Variants in CPNE8 observed in about 807,000 individuals in gnomAD.
CPNE8 encodes the protein copine-8.
In CPNE8, 45 loss-of-function variants were observed where a neutral mutation model predicts 81.5. That is an observed-to-expected ratio of 0.55 (90% confidence interval 0.44 to 0.71). The LOEUF is 0.71. Ranked by LOEUF, CPNE8 falls within the 30% of genes least tolerant of loss-of-function variation. The pLI, the probability that CPNE8 is intolerant of heterozygous loss-of-function variation, is 0.00. For missense variants in CPNE8, 594 were observed against 672.1 expected (o/e 0.88, Z 1.28); for synonymous variants, 252 against 226.3 (o/e 1.11, Z -1.02).
chr12:38,898,433 C>A (rs1366932627), intron 1 of CPNE8, among the ~76,000 whole-genome samples: 3 of 152,106 alleles, frequency 2.0e-5, no homozygotes, highest in Non-Finnish European at 2.9e-5. Flanking sequence ...TCAAAAAAGG[C>A]ACTACAGGGT....
upstream of CPNE8, chr12:38,905,796 C>A (rs1442208389): frequency 1.0e-6 from 1 of 985,228 alleles, no homozygotes; most frequent in Non-Finnish European, 1.2e-6. Flanking sequence ...CCCCTTCCGG[C>A]AGGCAGCAGC....
rs573232937 is a variant in CPNE8, at chr12:38,704,826, GTATATA to G, written c.915-1911_915-1906del. Among the ~76,000 whole-genome samples the G allele has an allele frequency of 1.4e-3, 71 of 50,196 alleles. 9 individuals carry two copies. Among genetic ancestry groups the G allele is most frequent in the South Asian group, 1.6e-3 (2 of 1,220 alleles). 32.9% of individuals were successfully genotyped at this position (50,196 alleles called of 152,430 possible). A position where few individuals can be genotyped will look rare whatever the true frequency, so the allele number is the denominator to read the frequency against. ...GGACCATCTGTGTGTGTATGTATGTGTATATATATATATATATATATATATATATAT... is the reference window on the plus strand; with the variant it reads ...GGACCATCTGTGTGTGTATGTATGTGTATATATATATATATATATATATAT... On this transcript the variant is annotated intron_variant, in intron 13 of 19. Transcript: ENST00000331366.
chr12:38,888,370 A>G (rs1380758370), intron 1 of CPNE8, among the ~76,000 whole-genome samples: 1 of 152,242 alleles, frequency 6.6e-6, no homozygotes, highest in East Asian at 1.9e-4. Flanking sequence ...GGCTATGACA[A>G]TGAAAACAAT....
At chr12:38,684,958 C>A (rs1226590510) in intron 16 of CPNE8, among the ~76,000 whole-genome samples, 1 of 152,056 alleles carries the variant, frequency 6.6e-6, no homozygotes, top group Non-Finnish European at 1.5e-5. Context: ...GAGTAATAAG[C>A]AATTATATTC....
Position 38,845,931 on chromosome 12 carries a change from A to G in CPNE8, c.290+2628T>C, listed in dbSNP as rs987792968. On this transcript the variant is annotated intron_variant, in intron 4 of 19. Coordinates refer to ENST00000331366, the MANE Select transcript of CPNE8 (RefSeq NM_153634.3). ...GAATTGAATTTCTGAAACTAACAAA[A>G]TACATGCAAAAGGTAAAACAATACT... Among the ~76,000 whole-genome samples the G allele has an allele frequency of 3.3e-5, 5 of 152,226 alleles. 1 individual carries two copies. Among genetic ancestry groups the G allele is most frequent in the Non-Finnish European group, 7.3e-5 (5 of 68,040 alleles).
chr12:38,854,057 T>A (rs180682554), intron 3 of CPNE8, among the ~76,000 whole-genome samples: 2 of 152,108 alleles, frequency 1.3e-5, no homozygotes, highest in East Asian at 3.9e-4. Context: ...AGCCACACTT[T>A]CCAGAGATTA....
Position 38,731,797 on chromosome 12 carries a change from A to G in CPNE8, c.723-1439T>C, listed in dbSNP as rs1011425729. Reference sequence around the variant, plus strand: ...CTTTAGTGTTACACACTACTTTTGGATTAGTACAATTCGTATGAAATCCGG... The same window carrying G: ...CTTTAGTGTTACACACTACTTTTGGGTTAGTACAATTCGTATGAAATCCGG... On this transcript the variant is annotated intron_variant, in intron 10 of 19. Coordinates refer to ENST00000331366, the MANE Select transcript of CPNE8 (RefSeq NM_153634.3). 2.6e-5 allele frequency among the ~76,000 whole-genome samples: 4 copies of G among 152,088 alleles called. No homozygotes were observed. In the South Asian group the frequency reaches 8.3e-4, roughly 32 times the overall value.
chr12:38,906,219 T>C (rs1462458225), upstream of CPNE8: 2 of 985,476 alleles, frequency 2.0e-6, no homozygotes, highest in Non-Finnish European at 2.4e-6. Flanking sequence ...TCCCAGCTTC[T>C]GGACTGCCCA....
intron 6 of CPNE8, among the ~76,000 whole-genome samples, chr12:38,777,386 A>G (rs931650367): frequency 6.6e-6 from 1 of 152,252 alleles, no homozygotes; most frequent in Admixed American, 6.5e-5. Context: ...TGTTATTATT[A>G]AAACATTTTA....
rs1434368982 is a variant in CPNE8, at chr12:38,789,333, C to CA, written c.408-13033dup. 4.6e-5 allele frequency among the ~76,000 whole-genome samples: 7 copies of CA among 151,818 alleles called. No individual in the cohort carries two copies. The East Asian group carries it at 1.4e-3, about 29-fold the overall frequency. ...GTGAACTCATTTTCAACAGAGGTGC[C>CA]AAAAACATATACTGGGGAAAAGACA... On this transcript the variant is annotated intron_variant, in intron 6 of 19. Coordinates refer to ENST00000331366, the MANE Select transcript of CPNE8 (RefSeq NM_153634.3).
In CPNE8 at chr12:38,902,091, T is replaced by C. The variant is rs143102868; in HGVS notation, c.98+3346A>G. Among the ~76,000 whole-genome samples the C allele has an allele frequency of 2.3e-4, 34 of 148,220 alleles. No homozygotes were observed. In the East Asian group the frequency reaches 6.8e-3, roughly 30 times the overall value. On this transcript the variant is annotated intron_variant, in intron 1 of 19. Transcript: ENST00000331366. The stretch of plus-strand genomic sequence containing the variant: ...TTTTTCACCTTCCCCAAAATGAAGA[T>C]AAAAACTTTGTCATAAAGCTTTTAA...
chr12:38,699,425 T>C (rs1437864665), intron 14 of CPNE8, among the ~76,000 whole-genome samples: 5 of 152,372 alleles, frequency 3.3e-5, no homozygotes, highest in African/African-American at 1.2e-4. Flanking sequence ...CCGATCCTTA[T>C]GTCAAGGACA....
At chr12:38,880,934 G>A (rs945836878) in intron 1 of CPNE8, among the ~76,000 whole-genome samples, 1 of 152,146 alleles carries the variant, frequency 6.6e-6, no homozygotes, top group Non-Finnish European at 1.5e-5. Context: ...AAAAAGGCCG[G>A]GAGCGGTGGC....
Position 38,760,928 on chromosome 12 carries a change from AGAT to A in CPNE8, c.681-43_681-41del. The A allele has an allele frequency of 2.8e-6, 4 of 1,404,088 alleles. No homozygotes were observed. The South Asian group carries it at 3.8e-5, about 13-fold the overall frequency. The allele number at this position is 1,404,088 out of a possible 1,614,324, so 87.0% of individuals were successfully genotyped here. The stretch of plus-strand genomic sequence containing the variant: ...AACATACACATAAAGTTACTTAGTA[AGAT>A]CAAAATAATGTATGGTTGAGAATTT... On this transcript the variant is annotated intron_variant, in intron 9 of 19. Coordinates refer to ENST00000331366, the MANE Select transcript of CPNE8 (RefSeq NM_153634.3).
intron 10 of CPNE8, among the ~76,000 whole-genome samples, chr12:38,751,724 G>T (rs1334488931): frequency 6.6e-6 from 1 of 152,142 alleles, no homozygotes; most frequent in Non-Finnish European, 1.5e-5. Context: ...ATTTTGGAAA[G>T]TTGGATTTAT....
chr12:38,742,089 G>A (rs187179650), intron 10 of CPNE8, among the ~76,000 whole-genome samples: 87 of 152,250 alleles, frequency 5.7e-4, no homozygotes, highest in African/African-American at 2.0e-3. Flanking sequence ...CTGTAAACTA[G>A]TCCAACCATT....
intron 13 of CPNE8, among the ~76,000 whole-genome samples, chr12:38,714,590 G>C (rs1321828335): frequency 6.7e-6 from 1 of 150,358 alleles, no homozygotes; most frequent in Non-Finnish European, 1.5e-5. Context: ...TCAAATTATA[G>C]AATGTATCTC....
chr12:38,798,232 C>A (rs1417751637), intron 6 of CPNE8, among the ~76,000 whole-genome samples: 4 of 151,938 alleles, frequency 2.6e-5, no homozygotes, highest in Non-Finnish European at 5.9e-5. Flanking sequence ...AGAGCAACTC[C>A]AAGACACATA....
At chr12:38,892,673 G>T (rs1392225404) in intron 1 of CPNE8, among the ~76,000 whole-genome samples, 1 of 152,170 alleles carries the variant, frequency 6.6e-6, no homozygotes, top group Non-Finnish European at 1.5e-5. Context: ...AGAAAGCCCA[G>T]GTAGCCCACA....
Sources: allele counts gnomAD v4.1 joint callset (sites outside exome capture counted in the v4.1 genomes callset), GRCh38; gene constraint gnomAD v4.1.1; transcripts MANE v1.5; gene names NCBI Gene and HGNC (gene_info 2026-07-23, HGNC 2026-07-21).